UCK1: variants seen among roughly 807,000 people sequenced by gnomAD.
UCK1 encodes the protein uridine-cytidine kinase 1.
UCK1 carries 20 observed loss-of-function variants against 34.0 expected under a neutral mutation model. The observed-to-expected ratio is 0.59, with a 90% CI of 0.41 to 0.86. The LOEUF (loss-of-function observed/expected upper bound fraction) is 0.86. UCK1 is among the 40% of genes least tolerant of loss of function. The probability of loss-of-function intolerance (pLI) is 0.00; values close to 1 mark genes in which losing one functional copy is unlikely to be tolerated. For synonymous variants in UCK1, 168 were observed against 155.9 expected, an observed-to-expected ratio of 1.08 and a Z score of -0.58; for missense variants, 343 against 383.6, an observed-to-expected ratio of 0.89 and a Z score of 0.88.
rs533189536 is a variant in UCK1, at chr9:131,524,278, G to T, written c.*762C>A. 6.6e-6 allele frequency: 1 copy of T among 152,510 alleles called. No homozygotes were observed. The highest frequency in any genetic ancestry group is 1.5e-5 in the Non-Finnish European group (1 of 68,156). The allele number at this position is 152,510 out of a possible 1,614,324, so 9.4% of individuals were successfully genotyped here. A position where few individuals can be genotyped will look rare whatever the true frequency, so the allele number is the denominator to read the frequency against. On this transcript the variant is annotated 3_prime_UTR_variant, in exon 7 of 7. Coordinates refer to ENST00000372215, the MANE Select transcript of UCK1 (RefSeq NM_031432.5). ...TGACCCCAGGCAGGACTGCGTGGAC[G>T]CTGTTCTCCAGCCGGGACAGACCTG... is the stretch of plus-strand genomic sequence containing the variant.
At chr9:131,529,447 C>T (rs763579695) in intron 3 of UCK1, 41 bp downstream of exon 3, 2 of 1,611,696 alleles carry the variant, frequency 1.2e-6, no homozygotes, top group Admixed American at 1.7e-5. Flanking sequence ...GACGTCCTAG[C>T]TGGCCCCTCT....
chr9:131,529,792 T>A (rs772027017), intron 2 of UCK1, among the ~76,000 whole-genome samples: 8 of 152,104 alleles, frequency 5.3e-5, no homozygotes, highest in Non-Finnish European at 8.8e-5. Flanking sequence ...GTCCTTGCTG[T>A]TCTCGGGCTG....
chr9:131,527,363 T>C (rs1316249670), intron 5 of UCK1, among the ~76,000 whole-genome samples: 3 of 151,812 alleles, frequency 2.0e-5, no homozygotes, highest in African/African-American at 7.3e-5. Flanking sequence ...ACCAAAAACA[T>C]CTCTGGGGCC....
intron 1 of UCK1, 138 bp from the exon 2 acceptor site, chr9:131,530,783 G>T: frequency 6.7e-7 from 1 of 1,493,138 alleles, no homozygotes; most frequent in Non-Finnish European, 9.2e-7. Context: ...AGGTGTGGAT[G>T]GTCTCAGCGG....
At position 131,529,511 on chromosome 9, in the gene UCK1, G is replaced by C. The variant is rs377298704; in HGVS notation, c.342C>G (p.Thr114=). 3.7e-6 allele frequency: 6 copies of C among 1,613,956 alleles called. No homozygotes were observed. Among genetic ancestry groups the C allele is most frequent in the South Asian group, 3.3e-5 (3 of 91,076 alleles). ...ACCTTGAGTGTGTCACAAAATCATA[G>C]GTCGGCACCTCCACCGTTTTGCCCT... The part of the protein sequence containing the change: ...IVEGKTVEVP[T]YDFVTHSRLP... The change falls in exon 3 of 7, where the codon ACC becomes ACG. Residue 114 remains threonine, a synonymous_variant. Transcript: ENST00000372215.
At chr9:131,526,610 G>A in intron 5 of UCK1, 1 of 913,024 alleles carries the variant, frequency 1.1e-6, no homozygotes, top group East Asian at 6.1e-5. Context: ...GGAAGGGGAA[G>A]CAGCCTGGAG....
chr9:131,529,149 C>T lies in UCK1; in HGVS notation c.487G>A (p.Asp163Asn), dbSNP rs1206650317. 5 of 1,613,900 alleles carry T rather than the reference C, an allele frequency of 3.1e-6. No individual in the cohort carries two copies. Among genetic ancestry groups the T allele is most frequent in the African/African-American group, 1.3e-5 (1 of 75,050 alleles). The part of the protein sequence containing the change: ...HLRLFVDTDS[D>N]VRLSRRVLRD... Reference sequence around the variant, plus strand: ...TTACCTCTTCGAGACAGCCTGACGTCGGAGTCGGTGTCCACGAAGAGGCGC... The same window carrying T: ...TTACCTCTTCGAGACAGCCTGACGTTGGAGTCGGTGTCCACGAAGAGGCGC... The change falls in exon 4 of 7, where the codon GAC (aspartate) becomes AAC (asparagine). Residue 163 changes from aspartate (D) to asparagine (N), a missense_variant. Transcript: ENST00000372215.
At position 131,524,857 on chromosome 9, in the gene UCK1, T is replaced by C; in HGVS notation, c.*183A>G. 1 of 672,640 alleles carries C rather than the reference T, an allele frequency of 1.5e-6. No individual in the cohort carries two copies. The allele number at this position is 672,640 out of a possible 1,614,324, so 41.7% of individuals were successfully genotyped here. A position where few individuals can be genotyped will look rare whatever the true frequency, so the allele number is the denominator to read the frequency against. ...TGAAAACCTCAGGAACGCCTGTCAG[T>C]GTCCCAGCAAGTTGAGTCTGAGTGA... On this transcript the variant is annotated 3_prime_UTR_variant, in exon 7 of 7. Coordinates refer to ENST00000372215, the MANE Select transcript of UCK1 (RefSeq NM_031432.5).
chr9:131,528,983 G>C lies in UCK1; in HGVS notation c.564C>G (p.Thr188=), dbSNP rs772673639. The C allele has an allele frequency of 5.6e-6, 9 of 1,614,034 alleles. No individual in the cohort carries two copies. Among genetic ancestry groups the C allele is most frequent in the Non-Finnish European group, 1.7e-6 (2 of 1,180,036 alleles). The change falls in exon 5 of 7, where the codon ACC becomes ACG. Residue 188 remains threonine, a synonymous_variant. Transcript: ENST00000372215. ...RDLEQILTQY[T]TFVKPAFEEF... ...CCTCGAAGGCCGGCTTCACGAAGGTGGTGTACTGCGTCAGAATCTGCTCCA... is the reference window on the plus strand; with the variant it reads ...CCTCGAAGGCCGGCTTCACGAAGGTCGTGTACTGCGTCAGAATCTGCTCCA...
At position 131,525,966 on chromosome 9, in the gene UCK1, A is replaced by T. The variant is rs987413903; in HGVS notation, c.615T>A (p.Tyr205Ter). The T allele has an allele frequency of 6.2e-7, 1 of 1,613,978 alleles. No individual in the cohort carries two copies. Reference protein sequence around the residue: ...FEEFCLPTKKYADVIIPRGVD... With the variant: ...FEEFCLPTKK ...CTCCTCGCGGGATGATCACATCGGC[A>T]TACTTCTTTGTCTGTAAGGCACAAG... The change falls in exon 6 of 7, where the codon TAT (tyrosine) becomes TAA (stop). Residue 205 changes from tyrosine (Y) to a stop codon, truncating the protein, a stop_gained. Transcript: ENST00000372215. LOFTEE classifies it high-confidence loss of function.
At position 131,530,586 on chromosome 9, in the gene UCK1, C is replaced by T. The variant is rs1950796906; in HGVS notation, c.168G>A (p.Gln56=). The change falls in exon 2 of 7, where the codon CAG becomes CAA. Residue 56 remains glutamine, a synonymous_variant. Coordinates refer to ENST00000372215, the MANE Select transcript of UCK1 (RefSeq NM_031432.5). ...LLGQNEVEQR[Q]RKVVILSQDR... is the part of the protein sequence containing the mutation. Reference sequence around the variant, plus strand: ...CCTGGCTCAGGATGACCACCTTCCGCTGCCGCTGTTCCACCTCGTTCTGTC... The same window carrying T: ...CCTGGCTCAGGATGACCACCTTCCGTTGCCGCTGTTCCACCTCGTTCTGTC... The T allele has an allele frequency of 6.2e-7, 1 of 1,614,156 alleles. No individual in the cohort carries two copies. The highest frequency in any genetic ancestry group is 1.3e-5 in the African/African-American group (1 of 74,964).
rs144789488 is a variant in UCK1 at position 131,526,051 on chromosome 9, A to ATGCAACAG, written c.604-82_604-75dup. 2,727 of 1,578,698 alleles carry ATGCAACAG rather than the reference A, an allele frequency of 1.7e-3. 51 individuals carry two copies. The African/African-American group carries it at 0.033, about 19-fold the overall frequency. On this transcript the variant is annotated intron_variant, in intron 5 of 6. Coordinates refer to ENST00000372215, the MANE Select transcript of UCK1 (RefSeq NM_031432.5). ...GTGATTTTAAGATGCTCAGAAACAG[A>ATGCAACAG]TGCAACAGCAGGAGGGGCGGCCCTG...
At chr9:131,525,261 C>G (rs772617829) in intron 6 of UCK1, 40 bp from the exon 7 acceptor site, 1 of 1,611,618 alleles carries the variant, frequency 6.2e-7, no homozygotes, top group Admixed American at 1.7e-5. Flanking sequence ...TAGCCGCATC[C>G]ATCCTCCGTG....
intron 6 of UCK1, among the ~76,000 whole-genome samples, chr9:131,525,481 T>C (rs1313234869): frequency 1.3e-5 from 2 of 152,144 alleles, no homozygotes; most frequent in South Asian, 2.1e-4. Context: ...TGAATATACA[T>C]ATATATATGT....
intron 3 of UCK1, 84 bp downstream of exon 3, chr9:131,529,404 C>T: frequency 6.9e-6 from 11 of 1,603,748 alleles, no homozygotes; most frequent in Non-Finnish European, 9.4e-6. Context: ...CGGGGGAGGC[C>T]TGCCGCCAGG....
In UCK1 at chr9:131,529,011, T is replaced by C. The variant is rs781086159; in HGVS notation, c.536A>G (p.Asp179Gly). ...RVLRDVRRGR[D>G]LEQILTQYTT... ...GTACTGCGTCAGAATCTGCTCCAGG[T>C]CCCTCCCTCGGCGCACGTCCCGGAG... Residue 179 changes from aspartate to glycine, a missense_variant, in exon 5 of 7, where the codon GAC becomes GGC. Coordinates refer to ENST00000372215, the MANE Select transcript of UCK1 (RefSeq NM_031432.5). 1.2e-6 allele frequency: 2 copies of C among 1,613,880 alleles called. No homozygotes were observed. The highest frequency in any genetic ancestry group is 1.7e-6 in the Non-Finnish European group (2 of 1,180,008).
rs540947636 is a variant in UCK1, at chr9:131,530,576, C to T, written c.178G>A (p.Val60Ile). 10 of 1,614,242 alleles carry T rather than the reference C, an allele frequency of 6.2e-6. No individual in the cohort carries two copies. The South Asian group carries it at 8.8e-5, about 14-fold the overall frequency. The change falls in exon 2 of 7, where the codon GTC becomes ATC. Residue 60 changes from valine to isoleucine, a missense_variant. Physicochemically the swap from Val to Ile is conservative, Grantham distance 29. Coordinates refer to ENST00000372215, the MANE Select transcript of UCK1 (RefSeq NM_031432.5). ...TAGAACCTGTCCTGGCTCAGGATGA[C>T]CACCTTCCGCTGCCGCTGTTCCACC... ...NEVEQRQRKVVILSQDRFYKV... is the reference protein window; with the variant it reads ...NEVEQRQRKVIILSQDRFYKV...
chr9:131,525,302 G>A (rs1282836661), intron 6 of UCK1, 81 bp from the exon 7 acceptor site: 14 of 1,575,972 alleles, frequency 8.9e-6, no homozygotes, highest in African/African-American at 2.7e-5. Flanking sequence ...CACTCGGCCA[G>A]GAGTGAGCGC....
chr9:131,529,082 C>A, intron 4 of UCK1, 44 bp from the exon 5 acceptor site: 2 of 1,613,480 alleles, frequency 1.2e-6, no homozygotes, highest in Non-Finnish European at 1.7e-6. Context: ...TCAGGACCTG[C>A]CGCCAGCCTC....
Sources: gnomAD v4.1 joint callset for allele counts (sites outside exome capture counted in the v4.1 genomes callset) on GRCh38, gnomAD v4.1.1 for gene constraint, MANE v1.5 for transcripts, NCBI Gene and HGNC (gene_info 2026-07-23, HGNC 2026-07-21) for gene names.